Variants in SLA observed in about 807,000 individuals in gnomAD.
SLA encodes src-like-adapter.
Under a neutral mutation model 30.3 loss-of-function variants are expected in SLA, and 16 were observed. The ratio of observed to expected loss-of-function variants is 0.53; its 90% CI spans 0.36 to 0.80. SLA has a LOEUF of 0.80. Among genes scored for constraint, SLA ranks in the 30% least tolerant of loss-of-function variants. The pLI is 0.01. For missense variants in SLA, 310 were observed against 345.2 expected, an observed-to-expected ratio of 0.90 and a Z score of 0.81; for synonymous variants, 143 against 137.8, an observed-to-expected ratio of 1.04 and a Z score of -0.26.
rs563223917 is a variant in SLA at position 133,087,712 on chromosome 8, A to G, written c.-318-12582T>C. 18 of 152,318 alleles carry G rather than the reference A, an allele frequency of 1.2e-4. No individual in the cohort carries two copies. In the South Asian group the frequency reaches 3.7e-3, roughly 32 times the overall value. The allele number at this position is 152,318 out of a possible 1,614,324, so 9.4% of individuals were successfully genotyped here. A position where few individuals can be genotyped will look rare whatever the true frequency, so the allele number is the denominator to read the frequency against. On this transcript the variant is annotated intron_variant, in intron 1 of 8. Coordinates refer to ENST00000338087, the MANE Select transcript of SLA (RefSeq NM_001045556.3). ...AGCCAATAGAACTCCTCCATCATTCACTCACCTTGAATTGTTAGAAGGCTC... is the reference window on the plus strand; with the variant it reads ...AGCCAATAGAACTCCTCCATCATTCGCTCACCTTGAATTGTTAGAAGGCTC...
At chr8:133,066,414 T>C (rs1001643274) in intron 2 of SLA, among the ~76,000 whole-genome samples, 53 of 151,682 alleles carry the variant, frequency 3.5e-4, no homozygotes, top group African/African-American at 1.3e-3. Flanking sequence ...TTTTAGAATC[T>C]CTGTTTCATA....
intron 1 of SLA, chr8:133,095,010 G>A (rs747280181): frequency 6.2e-7 from 1 of 1,612,196 alleles, no homozygotes; most frequent in Non-Finnish European, 8.5e-7. Flanking sequence ...AAGATGATCT[G>A]AACCATCTGC....
At chr8:133,045,371 G>GGTTTCAT (rs1182126744) in intron 6 of SLA, among the ~76,000 whole-genome samples, 1 of 149,942 alleles carries the variant, frequency 6.7e-6, no homozygotes, top group African/African-American at 2.5e-5. Context: ...CAGGAACACA[G>GGTTTCAT]GTTTCATCCT....
chr8:133,093,489 G>A (rs62516035), intron 1 of SLA, among the ~76,000 whole-genome samples: 6,543 of 152,258 alleles, frequency 0.043, 199 homozygotes, highest in Non-Finnish European at 0.065. Flanking sequence ...AGAAAATCAC[G>A]TGTATCTCCC....
intron 5 of SLA, chr8:133,049,450 ATAT>A (rs1300124318): frequency 7.1e-6 from 2 of 280,064 alleles, no homozygotes; most frequent in African/African-American, 4.4e-5. Flanking sequence ...ATATTATCAT[ATAT>A]TATTATCCCT....
At chr8:133,063,251 G>T (rs556509181) in intron 2 of SLA, among the ~76,000 whole-genome samples, 2 of 136,184 alleles carry the variant, frequency 1.5e-5, no homozygotes, top group African/African-American at 5.6e-5. Context: ...CACCCCTCCA[G>T]ATGCCAGGGT....
chr8:133,038,358 A>G lies in SLA; in HGVS notation c.*166T>C, dbSNP rs1837465192. On this transcript the variant is annotated 3_prime_UTR_variant, in exon 9 of 9. Transcript: ENST00000338087. ...ACACCAGGGAGGGGTTCCTTTGGTC[A>G]TGATGTGGATAGAGAAGATGCGAAT... 1 of 622,660 alleles carries G rather than the reference A, an allele frequency of 1.6e-6. No individual in the cohort carries two copies. The highest frequency in any genetic ancestry group is 1.8e-5 in the African/African-American group (1 of 54,512). The allele number at this position is 622,660 out of a possible 1,614,324, so 38.6% of individuals were successfully genotyped here.
intron 1 of SLA, 159 bp downstream of exon 1, chr8:133,102,394 A>G (rs1386695212): frequency 4.9e-6 from 3 of 606,308 alleles, no homozygotes; most frequent in African/African-American, 3.7e-5. Context: ...CCCTGGAGCT[A>G]CTCACCACCA....
chr8:133,096,825 G>A (rs1848489276), intron 1 of SLA, among the ~76,000 whole-genome samples: 1 of 152,210 alleles, frequency 6.6e-6, no homozygotes, highest in Non-Finnish European at 1.5e-5. Flanking sequence ...TCCTAGTAAA[G>A]AGAGCACGCA....
rs1262984908 is a variant in SLA at position 133,072,464 on chromosome 8, GGATA to G, written c.-41+2385_-41+2388del. 2.6e-5 allele frequency among the ~76,000 whole-genome samples: 4 copies of G among 152,196 alleles called. 1 individual carries two copies. The highest frequency in any genetic ancestry group is 7.2e-5 in the African/African-American group (3 of 41,526). ...TGGATAGATGGATAGATAGATAGAT[GGATA>G]GATAGATAGATGGACAGATAAATGT... On this transcript the variant is annotated intron_variant, in intron 2 of 8. Transcript: ENST00000338087.
chr8:133,051,411 C>T (rs1840378281), intron 3 of SLA, among the ~76,000 whole-genome samples: 1 of 152,180 alleles, frequency 6.6e-6, no homozygotes, highest in African/African-American at 2.4e-5. Context: ...ATATCTATGA[C>T]ACTTTTGGGG....
At position 133,050,811 on chromosome 8, in the gene SLA, C is replaced by T. The variant is rs1840260827; in HGVS notation, c.161+5G>A. 1 of 1,581,554 alleles carries T rather than the reference C, an allele frequency of 6.3e-7. No homozygotes were observed. Among genetic ancestry groups the T allele is most frequent in the Non-Finnish European group, 8.7e-7 (1 of 1,150,120 alleles). On this transcript the variant is annotated splice_donor_5th_base_variant and intron_variant, in intron 4 of 8. Coordinates refer to ENST00000338087, the MANE Select transcript of SLA (RefSeq NM_001045556.3). ...GATTGCACAAGTTTTGGAGAGCTGA[C>T]TCACTCAGAAATCACACGCAGTTTC...
chr8:133,091,016 A>T (rs924326673), intron 1 of SLA, among the ~76,000 whole-genome samples: 1 of 152,120 alleles, frequency 6.6e-6, no homozygotes, highest in African/African-American at 2.4e-5. Flanking sequence ...AGTGGCTTCA[A>T]CTCTACCCTG....
intron 1 of SLA, chr8:133,094,907 T>C (rs1001896167): frequency 1.2e-4 from 130 of 1,127,956 alleles, no homozygotes; most frequent in Non-Finnish European, 3.5e-5. Flanking sequence ...TCCCATTGTG[T>C]GCAGCCCCAG....
chr8:133,092,044 T>C (rs1005298935), intron 1 of SLA, among the ~76,000 whole-genome samples: 5 of 152,222 alleles, frequency 3.3e-5, no homozygotes, highest in Admixed American at 2.6e-4. Context: ...CTGGTGCTGC[T>C]TTAAAACAAA....
intron 1 of SLA, among the ~76,000 whole-genome samples, chr8:133,080,104 T>C (rs1845518723): frequency 6.6e-6 from 1 of 152,086 alleles, no homozygotes; most frequent in African/African-American, 2.4e-5. Flanking sequence ...ACTCTCCCCT[T>C]AGAAAGGTGA....
intron 6 of SLA, chr8:133,047,425 C>T (rs10093650): frequency 0.03 from 5,936 of 197,216 alleles, 144 homozygotes; most frequent in Middle Eastern, 0.057. Context: ...GAGGTGTTCT[C>T]TCCATTTCAC....
Position 133,073,628 on chromosome 8 carries a change from A to G in SLA, c.-41+1225T>C, listed in dbSNP as rs556369576. Among the ~76,000 whole-genome samples, 14 of 152,348 alleles carry G rather than the reference A, an allele frequency of 9.2e-5. No individual in the cohort carries two copies. The South Asian group carries it at 1.0e-3, about 11-fold the overall frequency. ...TTACCTCTCCACTTTTCGAAGGACCACAGCCCAGTTTAATAGACTTGCAGC... is the reference window on the plus strand; with the variant it reads ...TTACCTCTCCACTTTTCGAAGGACCGCAGCCCAGTTTAATAGACTTGCAGC... On this transcript the variant is annotated intron_variant, in intron 2 of 8. Coordinates refer to ENST00000338087, the MANE Select transcript of SLA (RefSeq NM_001045556.3).
At chr8:133,098,238 C>T (rs116490082) in intron 1 of SLA, among the ~76,000 whole-genome samples, 206 of 152,244 alleles carry the variant, frequency 1.4e-3, no homozygotes, top group African/African-American at 4.8e-3. Context: ...GATCAAGCCC[C>T]TCATCAGTTA....
Sources: gnomAD v4.1 joint callset for allele counts (sites outside exome capture counted in the v4.1 genomes callset) on GRCh38, gnomAD v4.1.1 for gene constraint, MANE v1.5 for transcripts, NCBI Gene and HGNC (gene_info 2026-07-23, HGNC 2026-07-21) for gene names.